Variants in MAML3 observed in about 807,000 individuals in gnomAD.
MAML3 encodes mastermind-like protein 3.
MAML3 carries 27 observed loss-of-function variants against 101.9 expected under a neutral mutation model. The observed-to-expected ratio is 0.27, with a 90% CI of 0.20 to 0.37. The LOEUF (loss-of-function observed/expected upper bound fraction) is 0.37. Among genes scored for constraint, MAML3 ranks in the 10% least tolerant of loss-of-function variants. The pLI is 1.00. For synonymous variants in MAML3, 501 were observed against 555.9 expected, an observed-to-expected ratio of 0.90 and a Z score of 1.39; for missense variants, 1,316 against 1,444.9, an observed-to-expected ratio of 0.91 and a Z score of 1.45.
At chr4:140,078,492 A>G (rs1727812346) in intron 1 of MAML3, among the ~76,000 whole-genome samples, 1 of 151,954 alleles carries the variant, frequency 6.6e-6, no homozygotes. Flanking sequence ...AGAGAAGGCC[A>G]CTCCAAGCTT....
At chr4:139,844,672 T>G (rs928416216) in intron 2 of MAML3, among the ~76,000 whole-genome samples, 4 of 152,224 alleles carry the variant, frequency 2.6e-5, no homozygotes, top group Non-Finnish European at 4.4e-5. Flanking sequence ...TCCTTACCAC[T>G]GCAGCCACAT....
intron 1 of MAML3, 42 bp downstream of exon 1, chr4:140,152,818 C>CCCCCAA (rs1473316976): frequency 6.3e-7 from 1 of 1,583,304 alleles, no homozygotes; most frequent in Non-Finnish European, 8.6e-7. Flanking sequence ...ACCACCACCA[C>CCCCCAA]CCCCAACGCG....
At chr4:140,045,186 G>A (rs1727161669) in intron 1 of MAML3, among the ~76,000 whole-genome samples, 1 of 152,144 alleles carries the variant, frequency 6.6e-6, no homozygotes, top group African/African-American at 2.4e-5. Context: ...CCTGAGGTCA[G>A]GAGTTTAAGA....
chr4:140,009,130 A>T (rs1726506875), intron 1 of MAML3, among the ~76,000 whole-genome samples: 1 of 152,212 alleles, frequency 6.6e-6, no homozygotes. Context: ...ACACATGCTC[A>T]AATCTGACAA....
At chr4:140,057,065 GCCAA>G (rs897623669) in intron 1 of MAML3, among the ~76,000 whole-genome samples, 81 of 152,142 alleles carry the variant, frequency 5.3e-4, no homozygotes, top group African/African-American at 1.8e-3. Flanking sequence ...CAGGATTTAA[GCCAA>G]CCAGTGCCCA....
chr4:140,008,429 T>TA (rs1726493829), intron 1 of MAML3, among the ~76,000 whole-genome samples: 1 of 152,202 alleles, frequency 6.6e-6, no homozygotes, highest in South Asian at 2.1e-4. Context: ...TATCACATGG[T>TA]AAGGACCAAG....
intron 1 of MAML3, among the ~76,000 whole-genome samples, chr4:139,975,479 T>C (rs1013706546): frequency 3.3e-5 from 5 of 152,144 alleles, no homozygotes; most frequent in African/African-American, 1.2e-4. Context: ...TACCTCCTTA[T>C]CTCCCTTCCC....
Position 139,852,403 on chromosome 4 carries a change from G to GTTTTTTTTTTTTTTGTT in MAML3, c.2079+36953_2079+36954insAACAAAAAAAAAAAAAA, listed in dbSNP as rs1731572998. Among the ~76,000 whole-genome samples the GTTTTTTTTTTTTTTGTT allele has an allele frequency of 5.9e-5, 4 of 68,326 alleles. 2 individuals are homozygous for GTTTTTTTTTTTTTTGTT. Among genetic ancestry groups the GTTTTTTTTTTTTTTGTT allele is most frequent in the African/African-American group, 2.7e-4 (4 of 15,034 alleles). The allele number at this position is 68,326 out of a possible 152,430, so 44.8% of individuals were successfully genotyped here. The stretch of plus-strand genomic sequence containing the variant: ...AAAGCTCACCAAAATTCAGAAGACT[G>GTTTTTTTTTTTTTTGTT]TTTTTTTTTTTTTTTTTTTTTTTTT... On this transcript the variant is annotated intron_variant, in intron 2 of 4. Transcript: ENST00000509479.
chr4:140,093,423 T>G (rs182269029), intron 1 of MAML3, among the ~76,000 whole-genome samples: 16 of 148,678 alleles, frequency 1.1e-4, no homozygotes, highest in African/African-American at 3.2e-4. Flanking sequence ...TTTGTTTTTT[T>G]TTTTTTTTTT....
intron 1 of MAML3, among the ~76,000 whole-genome samples, chr4:140,001,064 C>G (rs961543631): frequency 1.1e-4 from 17 of 152,034 alleles, no homozygotes; most frequent in African/African-American, 3.6e-4. Flanking sequence ...AAGATTTGGC[C>G]TTTTTTTGCT....
At chr4:139,996,831 A>C (rs1734826799) in intron 1 of MAML3, among the ~76,000 whole-genome samples, 1 of 151,690 alleles carries the variant, frequency 6.6e-6, no homozygotes, top group South Asian at 2.1e-4. Context: ...GAGGCCGAGG[A>C]GGGCGGATCA....
intron 1 of MAML3, among the ~76,000 whole-genome samples, chr4:140,150,373 G>T (rs1729138107): frequency 6.6e-6 from 1 of 152,100 alleles, no homozygotes; most frequent in African/African-American, 2.4e-5. Context: ...AACCAGGCGC[G>T]CGCACCCGAG....
At chr4:140,069,448 A>G (rs1211731202) in intron 1 of MAML3, among the ~76,000 whole-genome samples, 3 of 119,438 alleles carry the variant, frequency 2.5e-5, no homozygotes, top group African/African-American at 6.4e-5. Flanking sequence ...GAGAAGGAGG[A>G]GAAGGAGGAG....
chr4:139,952,683 C>T (rs987807213), intron 1 of MAML3, among the ~76,000 whole-genome samples: 1 of 152,156 alleles, frequency 6.6e-6, no homozygotes, highest in African/African-American at 2.4e-5. Context: ...GGCTGCCCAG[C>T]CAAGGACTGC....
At chr4:140,013,665 T>C (rs1726600091) in intron 1 of MAML3, among the ~76,000 whole-genome samples, 1 of 152,268 alleles carries the variant, frequency 6.6e-6, no homozygotes, top group South Asian at 2.1e-4. Context: ...TTAGATTACT[T>C]GCTCAAAGTC....
intron 2 of MAML3, among the ~76,000 whole-genome samples, chr4:139,742,614 G>A (rs1157992626): frequency 6.6e-6 from 1 of 152,168 alleles, no homozygotes; most frequent in Non-Finnish European, 1.5e-5. Context: ...CTCAGATTTT[G>A]TTGGTTCTTA....
intron 1 of MAML3, among the ~76,000 whole-genome samples, chr4:140,151,813 C>A (rs1729176435): frequency 6.6e-6 from 1 of 152,102 alleles, no homozygotes; most frequent in African/African-American, 2.4e-5. Context: ...GGGGTGGGAA[C>A]TGCCCCTTCC....
At chr4:139,764,310 C>A (rs1211080415) in intron 2 of MAML3, among the ~76,000 whole-genome samples, 1 of 152,202 alleles carries the variant, frequency 6.6e-6, no homozygotes, top group Admixed American at 6.5e-5. Flanking sequence ...GCCCTGCTCA[C>A]CAATGCCCGG....
chr4:140,095,517 A>G (rs530464267), intron 1 of MAML3, among the ~76,000 whole-genome samples: 1 of 152,160 alleles, frequency 6.6e-6, no homozygotes, highest in East Asian at 1.9e-4. Flanking sequence ...TTTATTTCAC[A>G]CACATTTCTC....
Sources: gnomAD v4.1 joint callset for allele counts (sites outside exome capture counted in the v4.1 genomes callset) on GRCh38, gnomAD v4.1.1 for gene constraint, MANE v1.5 for transcripts, NCBI Gene and HGNC (gene_info 2026-07-23, HGNC 2026-07-21) for gene names.